RIC1: variants seen among roughly 807,000 people sequenced by gnomAD.
RIC1 encodes RIC1 partner of RAB6A GEF complex.
RIC1 carries 88 observed loss-of-function variants against 169.0 expected under a neutral mutation model. The observed-to-expected ratio is 0.52, with a 90% CI of 0.44 to 0.62. RIC1 has a LOEUF of 0.62. RIC1 is among the 20% of genes least tolerant of loss of function. The pLI, the probability that RIC1 is intolerant of heterozygous loss-of-function variation, is 0.00. For synonymous variants in RIC1, 790 were observed against 601.5 expected, an observed-to-expected ratio of 1.31 and a Z score of -4.59; for missense variants, 1,877 against 1,725.5, an observed-to-expected ratio of 1.09 and a Z score of -1.56.
chr9:5,720,454 G>A (rs766793386), intron 5 of RIC1, 130 bp downstream of exon 5: 75 of 1,140,704 alleles, frequency 6.6e-5, no homozygotes, highest in Non-Finnish European at 8.2e-5. Context: ...TATGAGAGGC[G>A]GGGTGAGAGA....
At chr9:5,722,435 A>G (rs1823664759) in intron 6 of RIC1, among the ~76,000 whole-genome samples, 1 of 151,428 alleles carries the variant, frequency 6.6e-6, no homozygotes, top group African/African-American at 2.4e-5. Flanking sequence ...GTCCACATGC[A>G]TGTTCATAGC....
intron 17 of RIC1, 77 bp from the exon 18 acceptor site, chr9:5,762,464 C>G (rs146026545): frequency 3.2e-6 from 5 of 1,544,998 alleles, no homozygotes; most frequent in African/African-American, 2.7e-5. Context: ...GACCTATAAA[C>G]CTTATGGATT....
At chr9:5,765,604 GCCATACA>G in intron 20 of RIC1, 32 bp downstream of exon 20, 1 of 1,613,994 alleles carries the variant, frequency 6.2e-7, no homozygotes, top group Non-Finnish European at 8.5e-7. Context: ...TCTTCTCTAG[GCCATACA>G]CCCACGTAGC....
chr9:5,700,836 T>A (rs929514645), intron 3 of RIC1, among the ~76,000 whole-genome samples: 1 of 152,194 alleles, frequency 6.6e-6, no homozygotes, highest in African/African-American at 2.4e-5. Context: ...TTAATAAAAG[T>A]TAGAAAATAA....
chr9:5,632,274 C>T (rs1288406023), intron 1 of RIC1, among the ~76,000 whole-genome samples: 1 of 152,138 alleles, frequency 6.6e-6, no homozygotes, highest in Admixed American at 6.5e-5. Context: ...CTGGTTGTTT[C>T]AATGTTCAAA....
intron 1 of RIC1, among the ~76,000 whole-genome samples, chr9:5,652,523 G>C (rs928381913): frequency 6.6e-6 from 1 of 151,948 alleles, no homozygotes; most frequent in East Asian, 1.9e-4. Context: ...TTAGTGTATA[G>C]AGGCATTACT....
intron 3 of RIC1, among the ~76,000 whole-genome samples, chr9:5,707,973 GTTGTTGTTGTTGTTGTTTTTA>G (rs991621377): frequency 2.5e-4 from 38 of 151,762 alleles, no homozygotes; most frequent in African/African-American, 8.0e-4. Context: ...CTGCCTTTTT[GTTGTTGTTGTTGTTGTTTTTA>G]TTGTTGTTGT....
At chr9:5,690,476 C>T (rs1821529059) in intron 3 of RIC1, among the ~76,000 whole-genome samples, 2 of 151,730 alleles carry the variant, frequency 1.3e-5, no homozygotes, top group African/African-American at 4.8e-5. Flanking sequence ...GCCCTTTACA[C>T]TGTGTAGTTA....
intron 14 of RIC1, 26 bp from the exon 15 acceptor site, chr9:5,754,815 A>T: frequency 6.9e-7 from 1 of 1,456,424 alleles, no homozygotes; most frequent in East Asian, 2.3e-5. Flanking sequence ...CATAAGGTAA[A>T]TTTTTTAAAA....
At chr9:5,656,297 C>G (rs566403925) in intron 1 of RIC1, among the ~76,000 whole-genome samples, 10 of 152,260 alleles carry the variant, frequency 6.6e-5, no homozygotes, top group Non-Finnish European at 1.0e-4. Flanking sequence ...TAATTTCTCC[C>G]TTAAACGTTT....
At chr9:5,767,155 T>G (rs976132426) in intron 21 of RIC1, among the ~76,000 whole-genome samples, 1 of 152,254 alleles carries the variant, frequency 6.6e-6, no homozygotes, top group African/African-American at 2.4e-5. Context: ...AAAGCCTTCT[T>G]AAAGTCGTAA....
In RIC1 at chr9:5,682,527, G is replaced by A. The variant is rs184047930; in HGVS notation, c.253-7432G>A. The stretch of plus-strand genomic sequence containing the variant: ...CTTGTCGAGTTTCTGCCAAGAGATC[G>A]GCTGTTAGTCTGATGGGCTTCTCTT... On this transcript the variant is annotated intron_variant, in intron 2 of 25. Coordinates refer to ENST00000414202, the MANE Select transcript of RIC1 (RefSeq NM_020829.4). Among the ~76,000 whole-genome samples the A allele has an allele frequency of 9.4e-3, 1,433 of 152,062 alleles. 31 individuals are homozygous for A. Among genetic ancestry groups the A allele is most frequent in the African/African-American group, 0.032 (1,311 of 41,482 alleles).
intron 17 of RIC1, among the ~76,000 whole-genome samples, chr9:5,761,218 A>T (rs1826317447): frequency 7.1e-6 from 1 of 141,490 alleles, no homozygotes; most frequent in South Asian, 2.2e-4. Context: ...GGTTCAAGTG[A>T]TTCTCCTGCC....
At chr9:5,634,653 C>T (rs528912777) in intron 1 of RIC1, among the ~76,000 whole-genome samples, 1 of 152,176 alleles carries the variant, frequency 6.6e-6, no homozygotes, top group East Asian at 1.9e-4. Flanking sequence ...GATATTTTCT[C>T]CTATTCCATA....
intron 6 of RIC1, among the ~76,000 whole-genome samples, chr9:5,726,452 C>T (rs1823992321): frequency 6.6e-6 from 1 of 152,148 alleles, no homozygotes; most frequent in African/African-American, 2.4e-5. Flanking sequence ...TGTGTCTCTG[C>T]ACGTAAGGTA....
chr9:5,671,087 A>G (rs1185963196), intron 2 of RIC1, among the ~76,000 whole-genome samples: 2 of 152,020 alleles, frequency 1.3e-5, no homozygotes, highest in African/African-American at 4.8e-5. Flanking sequence ...GAAGTTGCAA[A>G]TCTTGTGACC....
At chr9:5,755,203 A>C (rs994676218) in intron 15 of RIC1, among the ~76,000 whole-genome samples, 11 of 152,182 alleles carry the variant, frequency 7.2e-5, no homozygotes, top group Admixed American at 6.5e-5. Flanking sequence ...GTTAAAAGCA[A>C]AAAATTTCAT....
intron 2 of RIC1, among the ~76,000 whole-genome samples, chr9:5,673,919 G>T (rs1820278613): frequency 6.6e-6 from 1 of 152,046 alleles, no homozygotes; most frequent in African/African-American, 2.4e-5. Flanking sequence ...CATAAAAGCA[G>T]ATTATAAAAC....
chr9:5,651,197 C>G (rs546310743), intron 1 of RIC1, among the ~76,000 whole-genome samples: 2 of 152,154 alleles, frequency 1.3e-5, no homozygotes, highest in Non-Finnish European at 2.9e-5. Context: ...ACCTTTCCCC[C>G]ACACTGGAGA....
Sources: gnomAD v4.1 joint callset for allele counts (sites outside exome capture counted in the v4.1 genomes callset) on GRCh38, gnomAD v4.1.1 for gene constraint, MANE v1.5 for transcripts, NCBI Gene and HGNC (gene_info 2026-07-23, HGNC 2026-07-21) for gene names.